Variants in REEP6 observed in about 807,000 individuals in gnomAD.
REEP6 encodes receptor accessory protein 6.
A neutral mutation model predicts 22.4 loss-of-function variants in REEP6; 19 were observed. The ratio of observed to expected loss-of-function variants is 0.85; its 90% CI spans 0.59 to 1.25. The LOEUF (loss-of-function observed/expected upper bound fraction) is 1.25, where lower values mean the gene tolerates loss of function less well. REEP6 is among the 50% of genes most tolerant of loss of function. The probability of loss-of-function intolerance (pLI) is 0.00; values close to 1 mark genes in which losing one functional copy is unlikely to be tolerated. For missense variants in REEP6, 273 were observed against 251.9 expected, an observed-to-expected ratio of 1.08 and a Z score of -0.57; for synonymous variants, 121 against 113.6, an observed-to-expected ratio of 1.06 and a Z score of -0.41.
At position 1,491,259 on chromosome 19, in the gene REEP6, G is replaced by A; in HGVS notation, c.-11G>A. On this transcript the variant is annotated 5_prime_UTR_variant, in exon 1 of 5. Transcript: ENST00000233596. This position sits in a 1 kb window ranked among gnomAD's most constrained non-coding sequence, Gnocchi z 5.4. The stretch of plus-strand genomic sequence containing the variant: ...CGAGCTCGAGCAGCCAACCCCGGGC[G>A]CGTCGGGGCCATGGACGGCCTGAGG... 1 of 1,459,826 alleles carries A rather than the reference G, an allele frequency of 6.9e-7. No individual in the cohort carries two copies. The highest frequency in any genetic ancestry group is 9.1e-7 in the Non-Finnish European group (1 of 1,103,140). 90.4% of individuals were successfully genotyped at this position (1,459,826 alleles called of 1,614,324 possible).
In REEP6 at chr19:1,497,061, C is replaced by A; in HGVS notation, c.518-113C>A. 1 of 881,924 alleles carries A rather than the reference C, an allele frequency of 1.1e-6. No homozygotes were observed. Among genetic ancestry groups the A allele is most frequent in the Admixed American group, 3.1e-5 (1 of 31,762 alleles). 54.6% of individuals were successfully genotyped at this position (881,924 alleles called of 1,614,324 possible). On this transcript the variant is annotated intron_variant, in intron 4 of 4. Transcript: ENST00000233596. This position sits in a 1 kb window ranked among gnomAD's most constrained non-coding sequence, Gnocchi z 6.5. Reference sequence around the variant, plus strand: ...ACCATCTCTGCTGAGGGTGGCTGCCCGGCCCCTCGACTTGTCATGCTCATA... The same window carrying A: ...ACCATCTCTGCTGAGGGTGGCTGCCAGGCCCCTCGACTTGTCATGCTCATA...
At position 1,497,279 on chromosome 19, in the gene REEP6, C is replaced by T. The variant is rs2085017283; in HGVS notation, c.*68C>T. On this transcript the variant is annotated 3_prime_UTR_variant, in exon 5 of 5. Transcript: ENST00000233596. This position sits in a 1 kb window ranked among gnomAD's most constrained non-coding sequence, Gnocchi z 6.5. ...AGGGGGCCGCGCCAGGCTCCCAGGC[C>T]TCCACAGAGTCTTCAGCGCATCCCC... 5 of 1,393,574 alleles carry T rather than the reference C, an allele frequency of 3.6e-6. No individual in the cohort carries two copies. The highest frequency in any genetic ancestry group is 2.8e-5 in the African/African-American group (2 of 70,340). The allele number at this position is 1,393,574 out of a possible 1,614,324, so 86.3% of individuals were successfully genotyped here. A position where few individuals can be genotyped will look rare whatever the true frequency, so the allele number is the denominator to read the frequency against.
chr19:1,496,922 G>GCGTGTGACCATGTGTGCA (rs2085013637), intron 4 of REEP6, among the ~76,000 whole-genome samples: 1 of 152,184 alleles, frequency 6.6e-6, no homozygotes, highest in East Asian at 1.9e-4. Flanking sequence ...ATATGTGTGT[G>GCGTGTGACCATGTGTGCA]CGTGTGACCA....
Position 1,495,474 on chromosome 19 carries a change from A to G in REEP6, c.215A>G (p.Lys72Arg), listed in dbSNP as rs1476302792. The part of the protein sequence containing the change: ...GFVYPAYASI[K>R]AIESPSKDDD... ...CTGCTGCACCCTCCCTGCAGAATCAAAGCTATCGAGAGCCCAAGCAAGGAC... is the reference window on the plus strand; with the variant it reads ...CTGCTGCACCCTCCCTGCAGAATCAGAGCTATCGAGAGCCCAAGCAAGGAC... The change falls in exon 3 of 5, where the codon AAA (lysine) becomes AGA (arginine). Residue 72 changes from lysine (K) to arginine (R), a missense_variant. Lys to Arg is a conservative substitution (Grantham distance 26). Coordinates refer to ENST00000233596, the MANE Select transcript of REEP6 (RefSeq NM_138393.4). The G allele has an allele frequency of 6.8e-6, 11 of 1,613,790 alleles. No individual in the cohort carries two copies. The highest frequency in any genetic ancestry group is 3.3e-5 in the Admixed American group (2 of 60,002).
chr19:1,497,295 G>A lies in REEP6; in HGVS notation c.*84G>A, dbSNP rs2085017407. ...CTCCCAGGCCTCCACAGAGTCTTCA[G>A]CGCATCCCCCAACAGCAGCCCCTGC... On this transcript the variant is annotated 3_prime_UTR_variant, in exon 5 of 5. Transcript: ENST00000233596. The surrounding 1 kb of genome is among the most constrained non-coding windows in gnomAD (Gnocchi z 6.5). 7.9e-7 allele frequency: 1 copy of A among 1,271,844 alleles called. No homozygotes were observed. Among genetic ancestry groups the A allele is most frequent in the Non-Finnish European group, 1.1e-6 (1 of 891,862 alleles). 78.8% of individuals were successfully genotyped at this position (1,271,844 alleles called of 1,614,324 possible). A position where few individuals can be genotyped will look rare whatever the true frequency, so the allele number is the denominator to read the frequency against.
At position 1,496,405 on chromosome 19, in the gene REEP6, G is replaced by A. The variant is rs145541565; in HGVS notation, c.469G>A (p.Asp157Asn). 1.5e-3 allele frequency: 2,424 copies of A among 1,613,110 alleles called. 4 individuals are homozygous for A. Among genetic ancestry groups the A allele is most frequent in the Non-Finnish European group, 1.9e-3 (2,296 of 1,179,878 alleles). ...CGGGGCCGTAGACAGAATCATGAACGACCTCAGCGGGCGAGCCCTGGACGC... is the reference window on the plus strand; with the variant it reads ...CGGGGCCGTAGACAGAATCATGAACAACCTCAGCGGGCGAGCCCTGGACGC... ...HHGAVDRIMN[D>N]LSGRALDAAA... The change falls in exon 4 of 5, where the codon GAC (aspartate) becomes AAC (asparagine). Residue 157 changes from aspartate (D) to asparagine (N), a missense_variant. Physicochemically the swap from Asp to Asn is conservative, Grantham distance 23 (BLOSUM62 1). Transcript: ENST00000233596.
intron 3 of REEP6, 117 bp downstream of exon 3, chr19:1,495,724 C>T (rs76905339): frequency 4.4e-6 from 6 of 1,375,726 alleles, no homozygotes; most frequent in African/African-American, 1.4e-5. Flanking sequence ...GAGGGGAAGA[C>T]TCAGTCCCTT....
chr19:1,497,155 CCCG>C lies in REEP6; in HGVS notation c.518-16_518-14del. 1 of 1,402,530 alleles carries C rather than the reference CCCG, an allele frequency of 7.1e-7. No homozygotes were observed. The highest frequency in any genetic ancestry group is 9.4e-7 in the Non-Finnish European group (1 of 1,065,694). The allele number at this position is 1,402,530 out of a possible 1,614,324, so 86.9% of individuals were successfully genotyped here. The stretch of plus-strand genomic sequence containing the variant: ...AGGCCTGCCTCACGGCCCTCCCCCA[CCCG>C]CCCCTCTCTCTGCAGTCAAGCCAAG... On this transcript the variant is annotated splice_polypyrimidine_tract_variant and intron_variant, in intron 4 of 4. Transcript: ENST00000233596. The surrounding 1 kb of genome is among the most constrained non-coding windows in gnomAD (Gnocchi z 6.5).
intron 4 of REEP6, chr19:1,496,791 A>T: frequency 1.7e-6 from 1 of 595,498 alleles, no homozygotes; most frequent in Non-Finnish European, 3.1e-6. Flanking sequence ...ATGTTTTGTC[A>T]TGTGCAAGAG....
chr19:1,494,259 G>A (rs1038312818), intron 1 of REEP6, among the ~76,000 whole-genome samples: 13 of 152,148 alleles, frequency 8.5e-5, no homozygotes, highest in Admixed American at 6.6e-5. Context: ...CCACCCAGGG[G>A]ATCGAGATGC....
chr19:1,497,157 C>G lies in REEP6; in HGVS notation c.518-17C>G, dbSNP rs368767269. The G allele has an allele frequency of 1.6e-4, 223 of 1,409,226 alleles. 1 individual carries two copies. The Middle Eastern group carries it at 4.2e-3, about 27-fold the overall frequency. 87.3% of individuals were successfully genotyped at this position (1,409,226 alleles called of 1,614,324 possible). A position where few individuals can be genotyped will look rare whatever the true frequency, so the allele number is the denominator to read the frequency against. The stretch of plus-strand genomic sequence containing the variant: ...GCCTGCCTCACGGCCCTCCCCCACC[C>G]GCCCCTCTCTCTGCAGTCAAGCCAA... On this transcript the variant is annotated splice_polypyrimidine_tract_variant and intron_variant, in intron 4 of 4. Transcript: ENST00000233596. The surrounding 1 kb of genome is among the most constrained non-coding windows in gnomAD (Gnocchi z 6.5).
intron 1 of REEP6, among the ~76,000 whole-genome samples, chr19:1,493,828 C>T (rs990484985): frequency 6.6e-5 from 10 of 152,048 alleles, no homozygotes; most frequent in African/African-American, 2.4e-4. Context: ...TGGCTCACGC[C>T]TGTAATCCCA....
intron 4 of REEP6, among the ~76,000 whole-genome samples, chr19:1,496,942 G>A (rs1279143999): frequency 6.6e-6 from 1 of 152,154 alleles, no homozygotes; most frequent in African/African-American, 2.4e-5. Flanking sequence ...ATGTGTGCAC[G>A]TGTGAGTGCG....
At chr19:1,494,716 G>A (rs973813662) in intron 1 of REEP6, among the ~76,000 whole-genome samples, 1 of 151,188 alleles carries the variant, frequency 6.6e-6, no homozygotes, top group Non-Finnish European at 1.5e-5. Flanking sequence ...TTTTTGAGAC[G>A]GAGCCTCACC....
At chr19:1,496,247 T>C (rs772007510) in intron 3 of REEP6, 38 bp from the exon 4 acceptor site, 1 of 1,577,240 alleles carries the variant, frequency 6.3e-7, no homozygotes, top group East Asian at 2.3e-5. Context: ...GGCACAGAGC[T>C]GGGTGGGCCC....
At chr19:1,495,413 C>T (rs533905956) in intron 2 of REEP6, 26 bp downstream of exon 2, 112 of 1,613,764 alleles carry the variant, frequency 6.9e-5, no homozygotes, top group African/African-American at 2.3e-4. Flanking sequence ...GCTGCCCACG[C>T]GGGGGGTTCT....
chr19:1,491,332 G>T lies in REEP6; in HGVS notation c.63G>T (p.Val21=), dbSNP rs1181425137. 2.0e-5 allele frequency: 30 copies of T among 1,481,012 alleles called. No individual in the cohort carries two copies. The highest frequency in any genetic ancestry group is 2.5e-5 in the Non-Finnish European group (28 of 1,116,438). The allele number at this position is 1,481,012 out of a possible 1,614,324, so 91.7% of individuals were successfully genotyped here. Residue 21 remains valine (V), a synonymous_variant, in exon 1 of 5, where the codon GTG becomes GTT. Transcript: ENST00000233596. This position sits in a 1 kb window ranked among gnomAD's most constrained non-coding sequence, Gnocchi z 5.4. The part of the protein sequence containing the change: ...FLEQRNLVTE[V]LGALEAKTGV... ...AGCAAAGGAACCTGGTCACCGAAGTGCTGGGGGCGCTGGAGGCCAAGACCG... is the reference window on the plus strand; with the variant it reads ...AGCAAAGGAACCTGGTCACCGAAGTTCTGGGGGCGCTGGAGGCCAAGACCG...
intron 4 of REEP6, among the ~76,000 whole-genome samples, chr19:1,496,967 T>C (rs1028058861): frequency 6.6e-6 from 1 of 152,170 alleles, no homozygotes; most frequent in African/African-American, 2.4e-5. Context: ...TGTGCATGAC[T>C]GCACATGCGT....
rs1251088006 is a variant in REEP6 at position 1,497,441 on chromosome 19, T to G, written c.*230T>G. 6 of 708,574 alleles carry G rather than the reference T, an allele frequency of 8.5e-6. No homozygotes were observed. The East Asian group carries it at 1.6e-4, about 19-fold the overall frequency. The allele number at this position is 708,574 out of a possible 1,614,324, so 43.9% of individuals were successfully genotyped here. ...CCCAGGGCCAGCTGCCCTCTGGCTC[T>G]GGCTGTGGCTCCCGCCTGTCCGGCA... On this transcript the variant is annotated 3_prime_UTR_variant, in exon 5 of 5. Coordinates refer to ENST00000233596, the MANE Select transcript of REEP6 (RefSeq NM_138393.4). The surrounding 1 kb of genome is among the most constrained non-coding windows in gnomAD (Gnocchi z 6.5).
Sources: allele counts gnomAD v4.1 joint callset (sites outside exome capture counted in the v4.1 genomes callset), GRCh38; gene constraint gnomAD v4.1.1; non-coding constraint Gnocchi (gnomAD v3.1); transcripts MANE v1.5; gene names NCBI Gene and HGNC (gene_info 2026-07-23, HGNC 2026-07-21).